Variants in B3GAT2 observed in about 807,000 individuals in gnomAD.
B3GAT2 encodes galactosylgalactosylxylosylprotein 3-beta-glucuronosyltransferase 2.
Under a neutral mutation model 27.8 loss-of-function variants are expected in B3GAT2, and 26 were observed. That is an observed-to-expected ratio of 0.93 (90% CI 0.68 to 1.30). The LOEUF is 1.30. Among genes scored for constraint, B3GAT2 ranks in the 50% most tolerant of loss-of-function variants. B3GAT2 has a pLI of 0.00. For missense variants in B3GAT2, 458 were observed against 459.0 expected, an observed-to-expected ratio of 1.00 and a Z score of 0.02; for synonymous variants, 218 against 195.1, an observed-to-expected ratio of 1.12 and a Z score of -0.98.
rs1772516369 is a variant in B3GAT2 at position 70,902,470 on chromosome 6, A to C, written c.592-8198T>G. Among the ~76,000 whole-genome samples the C allele has an allele frequency of 3.3e-5, 5 of 152,284 alleles. No individual in the cohort carries two copies. The South Asian group carries it at 1.0e-3, about 32-fold the overall frequency. ...AAATAGAGCTACCAAATGATGCAGC[A>C]ATTCCATTATTGAACATATATATCC... On this transcript the variant is annotated intron_variant, in intron 1 of 3. Coordinates refer to ENST00000230053, the MANE Select transcript of B3GAT2 (RefSeq NM_080742.3).
Position 70,861,755 on chromosome 6 carries a change from G to A in B3GAT2, c.886-6C>T, listed in dbSNP as rs1185350617. On this transcript the variant is annotated splice_polypyrimidine_tract_variant and splice_region_variant and intron_variant, in intron 3 of 3. Coordinates refer to ENST00000230053, the MANE Select transcript of B3GAT2 (RefSeq NM_080742.3). ...CGAGTGTGCCACACGAGAACCTGAA[G>A]GGGAAGGAAATAGCTTGGGTAGCGC... 3 of 1,613,964 alleles carry A rather than the reference G, an allele frequency of 1.9e-6. No individual in the cohort carries two copies. The African/African-American group carries it at 4.0e-5, about 22-fold the overall frequency.
chr6:70,918,669 G>A (rs951903063), intron 1 of B3GAT2, among the ~76,000 whole-genome samples: 1 of 152,144 alleles, frequency 6.6e-6, no homozygotes, highest in Non-Finnish European at 1.5e-5. Context: ...AGTTTGGCTG[G>A]ATATGAAATT....
Position 70,894,289 on chromosome 6 carries a change from G to T in B3GAT2, c.592-17C>A. ...GGTTCGCATCTATAAAAAGGGAAAA[G>T]ACATGTGTTTTAAGTTTCCTTAGGA... On this transcript the variant is annotated splice_polypyrimidine_tract_variant and intron_variant, in intron 1 of 3. Transcript: ENST00000230053. 6.4e-7 allele frequency: 1 copy of T among 1,557,630 alleles called. No homozygotes were observed. Among genetic ancestry groups the T allele is most frequent in the Non-Finnish European group, 8.7e-7 (1 of 1,150,652 alleles).
chr6:70,956,881 G>C lies in B3GAT2; in HGVS notation c.-452C>G, dbSNP rs1765666998. On this transcript the variant is annotated 5_prime_UTR_variant, in exon 1 of 4. Coordinates refer to ENST00000230053, the MANE Select transcript of B3GAT2 (RefSeq NM_080742.3). ...CCGCGGGCCCCCAGGACGCTCTCTG[G>C]GACGCCTTCGAGGGCGGGCGGCGGC... 1 of 1,021,026 alleles carries C rather than the reference G, an allele frequency of 9.8e-7. No homozygotes were observed. The highest frequency in any genetic ancestry group is 1.2e-6 in the Non-Finnish European group (1 of 853,536). 63.2% of individuals were successfully genotyped at this position (1,021,026 alleles called of 1,614,324 possible). A position where few individuals can be genotyped will look rare whatever the true frequency, so the allele number is the denominator to read the frequency against.
At chr6:70,895,023 C>A (rs1450341389) in intron 1 of B3GAT2, among the ~76,000 whole-genome samples, 1 of 152,190 alleles carries the variant, frequency 6.6e-6, no homozygotes, top group Non-Finnish European at 1.5e-5. Context: ...GCTACCACCA[C>A]CTTTTTCCAG....
In B3GAT2 at chr6:70,894,123, C is replaced by A; in HGVS notation, c.736+5G>T. On this transcript the variant is annotated splice_donor_5th_base_variant and intron_variant, in intron 2 of 3. Coordinates refer to ENST00000230053, the MANE Select transcript of B3GAT2 (RefSeq NM_080742.3). ...GGAACAAATGTCATCACCCACACTG[C>A]TCACCTGCCATGTCGATGGCAAAAG... 3 of 1,606,406 alleles carry A rather than the reference C, an allele frequency of 1.9e-6. No homozygotes were observed. The highest frequency in any genetic ancestry group is 3.4e-5 in the Admixed American group (2 of 59,112).
At chr6:70,864,439 C>A (rs1035166346) in intron 2 of B3GAT2, among the ~76,000 whole-genome samples, 29 of 152,172 alleles carry the variant, frequency 1.9e-4, no homozygotes, top group Non-Finnish European at 2.9e-5. Flanking sequence ...AGCAAGGTCT[C>A]CTTTCCTGGT....
rs1283019552 is a variant in B3GAT2, at chr6:70,856,814, C to A, written c.*4849G>T. 2.0e-6 allele frequency: 3 copies of A among 1,531,858 alleles called. No individual in the cohort carries two copies. The highest frequency in any genetic ancestry group is 2.6e-6 in the Non-Finnish European group (3 of 1,137,432). 94.9% of individuals were successfully genotyped at this position (1,531,858 alleles called of 1,614,324 possible). ...GATTTTAAGTAATGGATAAGCTGCG[C>A]TTTACTATGCAGAATTTGATAGCTT... On this transcript the variant is annotated 3_prime_UTR_variant, in exon 4 of 4. Coordinates refer to ENST00000230053, the MANE Select transcript of B3GAT2 (RefSeq NM_080742.3).
At chr6:70,876,057 A>G (rs1772009273) in intron 2 of B3GAT2, among the ~76,000 whole-genome samples, 1 of 152,224 alleles carries the variant, frequency 6.6e-6, no homozygotes, top group South Asian at 2.1e-4. Context: ...TTAGAACCAA[A>G]AAGACTCTGA....
At chr6:70,914,337 G>A (rs1399823046) in intron 1 of B3GAT2, among the ~76,000 whole-genome samples, 6 of 151,918 alleles carry the variant, frequency 3.9e-5, no homozygotes, top group South Asian at 2.1e-4. Flanking sequence ...CTGTGTCCAC[G>A]TGTTCCCATA....
rs1771691264 is a variant in B3GAT2, at chr6:70,860,871, T to C, written c.*792A>G. 5.1e-6 allele frequency: 2 copies of C among 393,796 alleles called. No individual in the cohort carries two copies. The highest frequency in any genetic ancestry group is 9.0e-6 in the Non-Finnish European group (2 of 223,176). The allele number at this position is 393,796 out of a possible 1,614,324, so 24.4% of individuals were successfully genotyped here. On this transcript the variant is annotated 3_prime_UTR_variant, in exon 4 of 4. Transcript: ENST00000230053. ...ATGATGTGCTTAACAGGGAACGTGA[T>C]TAGTGAAAGGAAGATAAACGTGGAT...
rs748935032 is a variant in B3GAT2, at chr6:70,862,001, AAAG to A, written c.737-26_737-24del. The A allele has an allele frequency of 2.4e-5, 37 of 1,565,492 alleles. No homozygotes were observed. In the African/African-American group the frequency reaches 3.8e-4, roughly 16 times the overall value. On this transcript the variant is annotated intron_variant, in intron 2 of 3. Transcript: ENST00000230053. ...ATCCTTTGTGAAAAATAAAAAAAAA[AAAG>A]AGACTTTAAAATCCTGGTGTACTTC... is the stretch of plus-strand genomic sequence containing the variant.
At chr6:70,928,724 C>A (rs186644070) in intron 1 of B3GAT2, among the ~76,000 whole-genome samples, 1 of 152,168 alleles carries the variant, frequency 6.6e-6, no homozygotes, top group East Asian at 1.9e-4. Context: ...AGCCACAGAC[C>A]AGACATATTC....
chr6:70,917,724 T>A (rs920989572), intron 1 of B3GAT2, among the ~76,000 whole-genome samples: 18 of 152,364 alleles, frequency 1.2e-4, no homozygotes, highest in African/African-American at 4.3e-4. Flanking sequence ...AGTTTCTTAA[T>A]CCTGAGTTCT....
rs1772754434 is a variant in B3GAT2 at position 70,915,358 on chromosome 6, C to G, written c.592-21086G>C. Among the ~76,000 whole-genome samples, 3 of 152,064 alleles carry G rather than the reference C, an allele frequency of 2.0e-5. No individual in the cohort carries two copies. In the South Asian group the frequency reaches 6.2e-4, roughly 32 times the overall value. On this transcript the variant is annotated intron_variant, in intron 1 of 3. Coordinates refer to ENST00000230053, the MANE Select transcript of B3GAT2 (RefSeq NM_080742.3). ...ATTTTTCTCCCATTCTGTAGGTTGC[C>G]TATTCACTCTGATGGTAGTTTATTT...
intron 1 of B3GAT2, among the ~76,000 whole-genome samples, chr6:70,896,144 C>T (rs775690903): frequency 5.3e-5 from 8 of 152,100 alleles, no homozygotes; most frequent in Admixed American, 1.3e-4. Context: ...AATCATTGTA[C>T]GCCTGTGACT....
In B3GAT2 at chr6:70,956,201, G is replaced by A; in HGVS notation, c.229C>T (p.Pro77Ser). The A allele has an allele frequency of 6.2e-7, 1 of 1,612,144 alleles. No homozygotes were observed. Among genetic ancestry groups the A allele is most frequent in the Non-Finnish European group, 8.5e-7 (1 of 1,179,012 alleles). Residue 77 changes from proline (P) to serine (S), a missense_variant, in exon 1 of 4, where the codon CCG becomes TCG. Transcript: ENST00000230053. Reference sequence around the variant, plus strand: ...ATGGCATAGATGGTGGGCAGCTGCGGCTCCGGCTGTGGCTGCGGCCGAGAC... The same window carrying A: ...ATGGCATAGATGGTGGGCAGCTGCGACTCCGGCTGTGGCTGCGGCCGAGAC... Reference protein sequence around the residue: ...NQSRPQPQPEPQLPTIYAITP... With the variant: ...NQSRPQPQPESQLPTIYAITP...
chr6:70,867,358 CAATT>C (rs1352035970), intron 2 of B3GAT2, among the ~76,000 whole-genome samples: 1 of 151,506 alleles, frequency 6.6e-6, no homozygotes, highest in Non-Finnish European at 1.5e-5. Context: ...AAATAGAAAA[CAATT>C]GAGAAGATAA....
At chr6:70,927,616 A>G (rs1211934043) in intron 1 of B3GAT2, among the ~76,000 whole-genome samples, 1 of 152,220 alleles carries the variant, frequency 6.6e-6, no homozygotes, top group Non-Finnish European at 1.5e-5. Flanking sequence ...CAATTCAACA[A>G]CAAGAGCTAA....
Sources: allele counts gnomAD v4.1 joint callset (sites outside exome capture counted in the v4.1 genomes callset), GRCh38; gene constraint gnomAD v4.1.1; transcripts MANE v1.5; gene names NCBI Gene and HGNC (gene_info 2026-07-23, HGNC 2026-07-21).